Variants in ARID5B observed in about 807,000 individuals in gnomAD.
ARID5B encodes the protein AT-rich interactive domain-containing protein 5B.
A neutral mutation model predicts 97.2 loss-of-function variants in ARID5B; 13 were observed. The observed-to-expected ratio is 0.13, with a 90% confidence interval of 0.09 to 0.21. ARID5B has a LOEUF of 0.21. ARID5B is among the 10% of genes least tolerant of loss of function. The pLI is 1.00. For missense variants in ARID5B, 1,210 were observed against 1,465.3 expected (o/e 0.83, Z 2.84); for synonymous variants, 556 against 570.3 (o/e 0.97, Z 0.36).
At chr10:61,982,763 A>G (rs758393967) in intron 3 of ARID5B, among the ~76,000 whole-genome samples, 12 of 152,188 alleles carry the variant, frequency 7.9e-5, no homozygotes, top group Non-Finnish European at 1.6e-4. Context: ...GGCCTTGGGA[A>G]ATGGTAACCT....
At chr10:61,953,000 T>C (rs1838343625) in intron 3 of ARID5B, among the ~76,000 whole-genome samples, 1 of 144,318 alleles carries the variant, frequency 6.9e-6, no homozygotes, top group Non-Finnish European at 1.5e-5. Context: ...CCACCTTACC[T>C]TTTTTTTTAT....
chr10:61,960,770 T>G (rs1217964919), intron 3 of ARID5B, among the ~76,000 whole-genome samples: 1 of 152,196 alleles, frequency 6.6e-6, no homozygotes, highest in Non-Finnish European at 1.5e-5. Context: ...TCATAGGTGC[T>G]CCGTAGGTAT....
intron 7 of ARID5B, among the ~76,000 whole-genome samples, chr10:62,064,257 G>A (rs1263077521): frequency 1.3e-5 from 2 of 152,182 alleles, no homozygotes; most frequent in African/African-American, 4.8e-5. Flanking sequence ...GGCCAAAGAT[G>A]ATGTCATGTA....
At chr10:62,029,012 A>G (rs1839459691) in intron 4 of ARID5B, among the ~76,000 whole-genome samples, 1 of 151,838 alleles carries the variant, frequency 6.6e-6, no homozygotes, top group African/African-American at 2.4e-5. Flanking sequence ...AAATATTTGC[A>G]AGAGATTTAC....
At chr10:61,926,111 G>C (rs975398152) in intron 2 of ARID5B, among the ~76,000 whole-genome samples, 11 of 152,228 alleles carry the variant, frequency 7.2e-5, no homozygotes, top group Non-Finnish European at 1.6e-4. Context: ...ACATACTTCA[G>C]AGTCTATCTT....
chr10:62,003,815 A>G (rs1374714641), intron 4 of ARID5B, among the ~76,000 whole-genome samples: 1 of 152,136 alleles, frequency 6.6e-6, no homozygotes, highest in Non-Finnish European at 1.5e-5. Context: ...ACCTTGCCCA[A>G]CTGCCCATAC....
intron 3 of ARID5B, among the ~76,000 whole-genome samples, chr10:61,985,671 C>T (rs1333333389): frequency 6.6e-6 from 1 of 151,936 alleles, no homozygotes; most frequent in Non-Finnish European, 1.5e-5. Context: ...TATATGTAAT[C>T]GTATCATTTT....
chr10:62,005,351 A>G (rs945514696), intron 4 of ARID5B, among the ~76,000 whole-genome samples: 3 of 152,228 alleles, frequency 2.0e-5, no homozygotes, highest in African/African-American at 7.2e-5. Context: ...AACTTGCTGG[A>G]CACAGAATAA....
chr10:62,092,211 A>C lies in ARID5B; in HGVS notation c.2748A>C (p.Lys916Asn). Residue 916 changes from lysine to asparagine, a missense_variant, in exon 10 of 10, where the codon AAA becomes AAC. Transcript: ENST00000279873. ...TDLSLPKNPH[K>N]PTGKVLGLAH... ...TGAGCCTTCCCAAGAACCCGCACAA[A>C]CCTACCGGCAAGGTCCTGGGCCTGG... The C allele has an allele frequency of 6.2e-7, 1 of 1,610,732 alleles. No homozygotes were observed. Among genetic ancestry groups the C allele is most frequent in the Non-Finnish European group, 8.5e-7 (1 of 1,178,766 alleles).
chr10:61,942,049 C>T (rs1457268146), intron 3 of ARID5B, among the ~76,000 whole-genome samples: 2 of 151,912 alleles, frequency 1.3e-5, no homozygotes, highest in African/African-American at 4.8e-5. Context: ...TATACTGTTA[C>T]TAATAAAAAA....
intron 7 of ARID5B, among the ~76,000 whole-genome samples, chr10:62,068,447 C>T (rs868448274): frequency 1.6e-4 from 24 of 152,072 alleles, no homozygotes; most frequent in African/African-American, 5.1e-4. Context: ...GAAAAGGTAC[C>T]ATTTACCCCA....
intron 3 of ARID5B, among the ~76,000 whole-genome samples, chr10:61,954,893 C>A (rs1436723884): frequency 6.6e-6 from 1 of 151,854 alleles, no homozygotes; most frequent in Non-Finnish European, 1.5e-5. Flanking sequence ...GTAATCCCAG[C>A]TACTTGGGAG....
intron 2 of ARID5B, among the ~76,000 whole-genome samples, chr10:61,913,192 C>A (rs890964691): frequency 6.6e-6 from 1 of 152,142 alleles, no homozygotes; most frequent in African/African-American, 2.4e-5. Context: ...TCTCAGAGAC[C>A]TTTTCCTGGC....
At position 61,902,230 on chromosome 10, in the gene ARID5B, C is replaced by T; in HGVS notation, c.93C>T (p.Gly31=). The change falls in exon 2 of 10, where the codon GGC becomes GGT. Residue 31 remains glycine (G), a synonymous_variant. Transcript: ENST00000279873. ...AGGCTTTTCAATTCCACCTTGAAGG[C>T]AAACCAAGAATTTTGTCCCTTGGCG... ...FYKAFQFHLE[G]KPRILSLGDF... The T allele has an allele frequency of 1.2e-6, 2 of 1,613,968 alleles. No homozygotes were observed. Among genetic ancestry groups the T allele is most frequent in the Non-Finnish European group, 1.7e-6 (2 of 1,180,030 alleles).
chr10:61,940,469 A>T (rs4360655), intron 3 of ARID5B, 61 bp downstream of exon 3: 844,475 of 1,415,490 alleles, frequency 0.6, 255,344 homozygotes, highest in African/African-American at 0.73. Flanking sequence ...TTTTCGGTTG[A>T]AGATTTTTCT....
intron 2 of ARID5B, among the ~76,000 whole-genome samples, chr10:61,923,096 G>A (rs1283036972): frequency 1.3e-5 from 2 of 152,196 alleles, no homozygotes; most frequent in African/African-American, 4.8e-5. Context: ...GATTCAAATT[G>A]AGGAGCATGC....
In ARID5B at chr10:62,057,284, G is replaced by A. The variant is rs751540242; in HGVS notation, c.1014G>A (p.Pro338=). Residue 338 remains proline, a synonymous_variant, in exon 6 of 10, where the codon CCG becomes CCA. Transcript: ENST00000279873. ...AATACATGAAAGAAAGGAAAACGCC[G>A]ATAGAACGAATACCCTATTTAGGTT... ...LYKYMKERKT[P]IERIPYLGFK... is the part of the protein sequence containing the mutation. The A allele has an allele frequency of 3.7e-6, 6 of 1,613,762 alleles. No individual in the cohort carries two copies. Among genetic ancestry groups the A allele is most frequent in the East Asian group, 2.2e-5 (1 of 44,878 alleles).
At chr10:61,947,261 CTTTTTT>C (rs199587188) in intron 3 of ARID5B, among the ~76,000 whole-genome samples, 1 of 124,268 alleles carries the variant, frequency 8.0e-6, no homozygotes, top group African/African-American at 3.0e-5. Context: ...CACTTACTTT[CTTTTTT>C]TTTTTTTTTT....
intron 3 of ARID5B, among the ~76,000 whole-genome samples, chr10:61,952,961 G>A (rs528025787): frequency 6.6e-6 from 1 of 151,944 alleles, no homozygotes; most frequent in Non-Finnish European, 1.5e-5. Context: ...ACAAAAATAT[G>A]CAGGGAATAA....
Sources: allele counts gnomAD v4.1 joint callset (sites outside exome capture counted in the v4.1 genomes callset), GRCh38; gene constraint gnomAD v4.1.1; transcripts MANE v1.5; gene names NCBI Gene and HGNC (gene_info 2026-07-23, HGNC 2026-07-21).